Variants in DHX32 observed in about 807,000 individuals in gnomAD.
DHX32 encodes DEAH-box helicase 32 (putative).
In DHX32, 51 loss-of-function variants were observed where a neutral mutation model predicts 70.0. The ratio of observed to expected loss-of-function variants is 0.73; its 90% CI spans 0.58 to 0.92. The LOEUF (loss-of-function observed/expected upper bound fraction) is 0.92. Ranked by LOEUF, DHX32 falls within the 40% of genes least tolerant of loss-of-function variation. The pLI is 0.00. For missense variants in DHX32, 762 were observed against 891.8 expected (o/e 0.85, Z 1.85); for synonymous variants, 310 against 315.3 (o/e 0.98, Z 0.18).
intron 6 of DHX32, 137 bp downstream of exon 6, chr10:125,852,156 A>G (rs1230349997): frequency 9.2e-7 from 1 of 1,082,390 alleles, no homozygotes; most frequent in East Asian, 2.6e-5. Flanking sequence ...CTCTAGCAGG[A>G]AAATGCTTCA....
intron 1 of DHX32, among the ~76,000 whole-genome samples, chr10:125,893,748 A>G (rs1205802449): frequency 6.6e-6 from 1 of 152,278 alleles, no homozygotes; most frequent in African/African-American, 2.4e-5. Flanking sequence ...ACTCTGGTAA[A>G]GAAAACAAAA....
rs200461845 is a variant in DHX32, at chr10:125,841,249, C to T, written c.1544-253G>A. On this transcript the variant is annotated intron_variant, in intron 7 of 10. Transcript: ENST00000284690. The stretch of plus-strand genomic sequence containing the variant: ...TATGGTTAATATCCTGCTTCTATTC[C>T]GGCAGGAGCAGGGAAAACCTGAGGT... The T allele has an allele frequency of 1.3e-3, 2,029 of 1,612,066 alleles. 6 individuals are homozygous for T. The highest frequency in any genetic ancestry group is 1.6e-3 in the Non-Finnish European group (1,868 of 1,178,392).
Position 125,836,427 on chromosome 10 carries a change from C to T in DHX32, c.*260G>A, listed in dbSNP as rs1854686650. ...GTGTCTCTGACACATTTACAAAATACCAGTTTTTTAAAATTTTGGTCAAAT... is the reference window on the plus strand; with the variant it reads ...GTGTCTCTGACACATTTACAAAATATCAGTTTTTTAAAATTTTGGTCAAAT... On this transcript the variant is annotated 3_prime_UTR_variant, in exon 11 of 11. Transcript: ENST00000284690. 1 of 1,440,426 alleles carries T rather than the reference C, an allele frequency of 6.9e-7. No homozygotes were observed. The highest frequency in any genetic ancestry group is 1.4e-5 in the African/African-American group (1 of 69,262). The allele number at this position is 1,440,426 out of a possible 1,614,324, so 89.2% of individuals were successfully genotyped here. A position where few individuals can be genotyped will look rare whatever the true frequency, so the allele number is the denominator to read the frequency against.
At chr10:125,871,781 AC>A (rs949545285) in intron 1 of DHX32, among the ~76,000 whole-genome samples, 2 of 151,202 alleles carry the variant, frequency 1.3e-5, no homozygotes, top group Non-Finnish European at 2.9e-5. Context: ...TTTACAAAGA[AC>A]TCTTGCCTTC....
chr10:125,894,228 C>T (rs2380020), intron 1 of DHX32, among the ~76,000 whole-genome samples: 1 of 151,850 alleles, frequency 6.6e-6, no homozygotes, highest in Non-Finnish European at 1.5e-5. Context: ...CATCCCCCAC[C>T]CCTATCTCAT....
In DHX32 at chr10:125,839,105, C is replaced by T. The variant is rs1209400614; in HGVS notation, c.1777G>A (p.Glu593Lys). The change falls in exon 9 of 11, where the codon GAA (glutamate) becomes AAA (lysine). Residue 593 changes from glutamate to lysine, a missense_variant. Coordinates refer to ENST00000284690, the MANE Select transcript of DHX32 (RefSeq NM_018180.3). Reference protein sequence around the residue: ...MADVIRAELLEIIKRIELPYA... With the variant: ...MADVIRAELLKIIKRIELPYA... ...GGAAGCTCGATTCGCTTGATAATTT[C>T]TAAGAGTTCAGCTCGAATAACATCT... 1 of 1,614,216 alleles carries T rather than the reference C, an allele frequency of 6.2e-7. No individual in the cohort carries two copies. Among genetic ancestry groups the T allele is most frequent in the Admixed American group, 1.7e-5 (1 of 60,028 alleles).
Position 125,841,869 on chromosome 10 carries a change from T to G in DHX32, c.1417A>C (p.Asn473His), listed in dbSNP as rs756666817. ...DYLAALDNDG[N>H]LSEFGIIMSE... ...ATGATGATTCCAAATTCAGAAAGATTTCCATCATTATCCAGTGCTGCCAGA... is the reference window on the plus strand; with the variant it reads ...ATGATGATTCCAAATTCAGAAAGATGTCCATCATTATCCAGTGCTGCCAGA... Residue 473 changes from asparagine to histidine, a missense_variant, in exon 7 of 11, where the codon AAT (asparagine) becomes CAT (histidine). Asn to His is a moderately conservative substitution (Grantham distance 68). This residue lies in a region of DHX32 where 366 missense variants were observed against 402.6 expected (regional missense o/e 0.91). Coordinates refer to ENST00000284690, the MANE Select transcript of DHX32 (RefSeq NM_018180.3). The G allele has an allele frequency of 2.0e-5, 32 of 1,613,770 alleles. No individual in the cohort carries two copies. In the South Asian group the frequency reaches 3.1e-4, roughly 16 times the overall value.
chr10:125,858,439 A>G (rs1040272500), intron 3 of DHX32, among the ~76,000 whole-genome samples: 1 of 152,246 alleles, frequency 6.6e-6, no homozygotes, highest in Non-Finnish European at 1.5e-5. Flanking sequence ...AAGAGAATGT[A>G]TATCATATAC....
chr10:125,858,886 T>C (rs911213115), intron 3 of DHX32, among the ~76,000 whole-genome samples: 2 of 151,880 alleles, frequency 1.3e-5, no homozygotes, highest in Non-Finnish European at 2.9e-5. Flanking sequence ...CCAGTGTAGC[T>C]GCAATTTAAA....
At chr10:125,875,047 C>T (rs564619116) in intron 1 of DHX32, among the ~76,000 whole-genome samples, 1 of 152,010 alleles carries the variant, frequency 6.6e-6, no homozygotes, top group East Asian at 1.9e-4. Flanking sequence ...GACAAAACCC[C>T]GTCTCTATAA....
intron 1 of DHX32, among the ~76,000 whole-genome samples, chr10:125,867,627 T>C (rs1288712558): frequency 6.6e-6 from 1 of 151,764 alleles, no homozygotes; most frequent in Non-Finnish European, 1.5e-5. Context: ...TCTCAGCTAC[T>C]TGGGAGGCTG....
intron 1 of DHX32, among the ~76,000 whole-genome samples, chr10:125,890,333 G>T (rs1301691200): frequency 1.3e-5 from 2 of 152,254 alleles, no homozygotes; most frequent in Non-Finnish European, 2.9e-5. Context: ...CTTTTAGAAG[G>T]TCACTTCTTT....
chr10:125,836,558 C>G lies in DHX32; in HGVS notation c.*129G>C. On this transcript the variant is annotated 3_prime_UTR_variant, in exon 11 of 11. Coordinates refer to ENST00000284690, the MANE Select transcript of DHX32 (RefSeq NM_018180.3). Reference sequence around the variant, plus strand: ...ATTTTTTATTTTAAAATAATATACACAGTGTTATTTTCTTCAAGACCGTCC... The same window carrying G: ...ATTTTTTATTTTAAAATAATATACAGAGTGTTATTTTCTTCAAGACCGTCC... 7.5e-7 allele frequency: 1 copy of G among 1,340,406 alleles called. No individual in the cohort carries two copies. Among genetic ancestry groups the G allele is most frequent in the African/African-American group, 1.5e-5 (1 of 67,788 alleles). 83.0% of individuals were successfully genotyped at this position (1,340,406 alleles called of 1,614,324 possible).
intron 4 of DHX32, 116 bp downstream of exon 4, chr10:125,853,845 G>A (rs1016291696): frequency 1.7e-5 from 23 of 1,323,734 alleles, no homozygotes; most frequent in Admixed American, 4.9e-5. Context: ...CAAATTCAAC[G>A]AATCCCCAGG....
intron 3 of DHX32, among the ~76,000 whole-genome samples, chr10:125,856,035 A>G (rs1944144499): frequency 1.3e-5 from 2 of 152,244 alleles, no homozygotes; most frequent in African/African-American, 4.8e-5. Context: ...TAGGCTCCTC[A>G]AGCACAGCTG....
chr10:125,838,324 G>T lies in DHX32; in HGVS notation c.1945C>A (p.Leu649Met). The change falls in exon 10 of 11, where the codon CTG (leucine) becomes ATG (methionine). Residue 649 changes from leucine (L) to methionine (M), a missense_variant. By Grantham distance (15) the Leu-to-Met change is conservative. This residue lies in a region of DHX32 where 366 missense variants were observed against 402.6 expected (regional missense o/e 0.91). Coordinates refer to ENST00000284690, the MANE Select transcript of DHX32 (RefSeq NM_018180.3). ...ATTGAGTAACCAGACAGGGGATGCAGCTGAGCAACCTGCTTATGTGTCAGC... is the reference window on the plus strand; with the variant it reads ...ATTGAGTAACCAGACAGGGGATGCATCTGAGCAACCTGCTTATGTGTCAGC... ...LMLTHKQVAQLHPLSGYSITK... is the reference protein window; with the variant it reads ...LMLTHKQVAQMHPLSGYSITK... 6.2e-7 allele frequency: 1 copy of T among 1,613,824 alleles called. No individual in the cohort carries two copies. Among genetic ancestry groups the T allele is most frequent in the Non-Finnish European group, 8.5e-7 (1 of 1,179,956 alleles).
chr10:125,854,381 C>T (rs1252466786), intron 3 of DHX32, 178 bp from the exon 4 acceptor site: 4 of 471,018 alleles, frequency 8.5e-6, no homozygotes, highest in African/African-American at 2.0e-5. Context: ...AATGAGAAAA[C>T]GTCTTTGGGG....
At chr10:125,872,420 A>C (rs1437575666) in intron 1 of DHX32, among the ~76,000 whole-genome samples, 3 of 152,212 alleles carry the variant, frequency 2.0e-5, no homozygotes, top group Non-Finnish European at 4.4e-5. Context: ...GAAACATTGA[A>C]TTCTGGGTCA....
At chr10:125,874,076 CA>C (rs1944270796) in intron 1 of DHX32, among the ~76,000 whole-genome samples, 1 of 152,048 alleles carries the variant, frequency 6.6e-6, no homozygotes, top group Non-Finnish European at 1.5e-5. Flanking sequence ...AACCTGTCTG[CA>C]AAAAATGTAA....
Sources: allele counts gnomAD v4.1 joint callset (sites outside exome capture counted in the v4.1 genomes callset), GRCh38; gene constraint gnomAD v4.1.1; regional missense constraint gnomAD v4.1.1; transcripts MANE v1.5; gene names NCBI Gene and HGNC (gene_info 2026-07-23, HGNC 2026-07-21).